Variants in CACNB1 observed in about 807,000 individuals in gnomAD.
The protein encoded by CACNB1 is calcium voltage-gated channel auxiliary subunit beta 1.
Under a neutral mutation model 71.6 loss-of-function variants are expected in CACNB1, and 29 were observed. That is an observed-to-expected ratio of 0.40 (90% CI 0.30 to 0.55). CACNB1 has a LOEUF of 0.55. CACNB1 is among the 20% of genes least tolerant of loss of function. The pLI, the probability that CACNB1 is intolerant of heterozygous loss-of-function variation, is 0.38. For missense variants in CACNB1, 623 were observed against 801.8 expected, an observed-to-expected ratio of 0.78 and a Z score of 2.69; for synonymous variants, 300 against 319.6, an observed-to-expected ratio of 0.94 and a Z score of 0.65.
At position 39,175,033 on chromosome 17, in the gene CACNB1, T is replaced by C. The variant is rs2045540233; in HGVS notation, c.*160A>G. 1.5e-6 allele frequency: 1 copy of C among 652,124 alleles called. No individual in the cohort carries two copies. The highest frequency in any genetic ancestry group is 1.8e-5 in the African/African-American group (1 of 54,738). 40.4% of individuals were successfully genotyped at this position (652,124 alleles called of 1,614,324 possible). A position where few individuals can be genotyped will look rare whatever the true frequency, so the allele number is the denominator to read the frequency against. The stretch of plus-strand genomic sequence containing the variant: ...TGGGGCTTAAGGGCCTCCCGGGAGC[T>C]GGGATGGTAACACCAAAGAAACCCC... On this transcript the variant is annotated 3_prime_UTR_variant, in exon 14 of 14. Coordinates refer to ENST00000394303, the MANE Select transcript of CACNB1 (RefSeq NM_000723.5). The surrounding 1 kb of genome is among the most constrained non-coding windows in gnomAD (Gnocchi z 4.7).
rs1231332194 is a variant in CACNB1, at chr17:39,175,388, G to T, written c.1602C>A (p.Asp534Glu). Residue 534 changes from aspartate (D) to glutamate (E), a missense_variant, in exon 14 of 14, where the codon GAC becomes GAA. Physicochemically the swap from Asp to Glu is conservative, Grantham distance 45. Transcript: ENST00000394303. The surrounding 1 kb of genome is among the most constrained non-coding windows in gnomAD (Gnocchi z 4.7). ...TDPSEGPGLG[D>E]PAGGGTPPAR... ...CTGGGGGCGTGCCGCCCCCTGCAGG[G>T]TCTCCAAGCCCTGGCCCCTCTGAGG... 1.9e-6 allele frequency: 3 copies of T among 1,614,076 alleles called. No individual in the cohort carries two copies. In the East Asian group the frequency reaches 6.7e-5, roughly 36 times the overall value.
intron 1 of CACNB1, among the ~76,000 whole-genome samples, chr17:39,195,494 T>G (rs1046054306): frequency 5.3e-5 from 8 of 152,064 alleles, no homozygotes; most frequent in Non-Finnish European, 7.4e-5. Flanking sequence ...TGTGCCCAAC[T>G]CTTCCCTTCG....
rs530887434 is a variant in CACNB1 at position 39,177,267 on chromosome 17, T to A, written c.1332+83A>T. On this transcript the variant is annotated intron_variant, in intron 13 of 13. Transcript: ENST00000394303. ...CCACTACATGGCATGTTCCTGCTCC[T>A]GGGGCACCACACTGCCCCGCTGTGA... The A allele has an allele frequency of 1.9e-6, 3 of 1,604,236 alleles. No individual in the cohort carries two copies. The South Asian group carries it at 3.3e-5, about 18-fold the overall frequency.
intron 8 of CACNB1, among the ~76,000 whole-genome samples, 183 bp downstream of exon 8, chr17:39,184,601 T>C (rs2045883436): frequency 6.6e-6 from 1 of 152,068 alleles, no homozygotes. Context: ...TGAGGGTTTC[T>C]TTGGGGGACG....
Position 39,184,994 on chromosome 17 carries a change from G to C in CACNB1, c.649-130C>G, listed in dbSNP as rs555882549. 722 of 971,642 alleles carry C rather than the reference G, an allele frequency of 7.4e-4. 1 individual carries two copies. Among genetic ancestry groups the C allele is most frequent in the Non-Finnish European group, 1.1e-3 (640 of 596,654 alleles). 60.2% of individuals were successfully genotyped at this position (971,642 alleles called of 1,614,324 possible). A position where few individuals can be genotyped will look rare whatever the true frequency, so the allele number is the denominator to read the frequency against. On this transcript the variant is annotated intron_variant, in intron 7 of 13. Transcript: ENST00000394303. ...AGAGCCCAGATGTAGGGATCAGGGTGGGGGTGGGGAGGGATGGCCAGGGAG... is the reference window on the plus strand; with the variant it reads ...AGAGCCCAGATGTAGGGATCAGGGTCGGGGTGGGGAGGGATGGCCAGGGAG...
In CACNB1 at chr17:39,183,368, G is replaced by GAAGAAGAAGAAGAAGAA. The variant is rs1433401577; in HGVS notation, c.1050+344_1050+345insTTCTTCTTCTTCTTCTT. On this transcript the variant is annotated intron_variant, in intron 11 of 13. Coordinates refer to ENST00000394303, the MANE Select transcript of CACNB1 (RefSeq NM_000723.5). ...GAAGAAGAAGAAGAAGAAGAAGAAA[G>GAAGAAGAAGAAGAAGAA]GAAAGACCTCCCAACTGCCAAGTAG... Among the ~76,000 whole-genome samples the GAAGAAGAAGAAGAAGAA allele has an allele frequency of 7.0e-5, 10 of 143,814 alleles. No homozygotes were observed. In the East Asian group the frequency reaches 8.6e-4, roughly 12 times the overall value. 94.3% of individuals were successfully genotyped at this position (143,814 alleles called of 152,430 possible). A position where few individuals can be genotyped will look rare whatever the true frequency, so the allele number is the denominator to read the frequency against.
rs577957295 is a variant in CACNB1 at position 39,195,107 on chromosome 17, T to A, written c.85-137A>T. 5 of 618,336 alleles carry A rather than the reference T, an allele frequency of 8.1e-6. No homozygotes were observed. The South Asian group carries it at 9.9e-5, about 12-fold the overall frequency. 38.3% of individuals were successfully genotyped at this position (618,336 alleles called of 1,614,324 possible). On this transcript the variant is annotated intron_variant, in intron 1 of 13. Transcript: ENST00000394303. ...CCTCCACCCCCCTGCACATTCCTCC[T>A]GAGGTGGTACGACCCAAGGGGAGGG... is the stretch of plus-strand genomic sequence containing the variant.
At chr17:39,178,212 C>T in intron 11 of CACNB1, 133 bp from the exon 12 acceptor site, 1 of 692,574 alleles carries the variant, frequency 1.4e-6, no homozygotes. Flanking sequence ...TAACTCTCAG[C>T]CCTGGGCACC....
At chr17:39,177,263 C>A in intron 13 of CACNB1, 87 bp downstream of exon 13, 1 of 1,602,360 alleles carries the variant, frequency 6.2e-7, no homozygotes, top group Non-Finnish European at 8.5e-7. Context: ...CATGTTCCTG[C>A]TCCTGGGGCA....
intron 4 of CACNB1, 156 bp downstream of exon 4, chr17:39,187,323 T>TA (rs2045965593): frequency 1.2e-6 from 1 of 840,806 alleles, no homozygotes; most frequent in Admixed American, 2.7e-5. Flanking sequence ...ATTTTTCCAG[T>TA]AGAAAATTAA....
rs763618554 is a variant in CACNB1, at chr17:39,187,472, T to C, written c.414+7A>G. On this transcript the variant is annotated splice_region_variant and intron_variant, in intron 4 of 13. Transcript: ENST00000394303. ...CCCACTTCCCTGCCCTCCCTCCAGA[T>C]ACCCACCTCCTTGATGTGCAGGAAG... 6.2e-7 allele frequency: 1 copy of C among 1,613,732 alleles called. No homozygotes were observed. The highest frequency in any genetic ancestry group is 1.3e-5 in the African/African-American group (1 of 75,022).
chr17:39,189,191 C>T (rs1009273649), intron 3 of CACNB1, among the ~76,000 whole-genome samples: 3 of 151,440 alleles, frequency 2.0e-5, no homozygotes, highest in Non-Finnish European at 2.9e-5. Flanking sequence ...GGTGAAACCC[C>T]GTCTCTACTA....
intron 10 of CACNB1, 49 bp from the exon 11 acceptor site, chr17:39,183,913 G>A (rs1196172024): frequency 1.9e-6 from 3 of 1,592,814 alleles, no homozygotes; most frequent in Non-Finnish European, 2.6e-6. Context: ...TGGCCTCCCA[G>A]GAACAGCAGG....
chr17:39,191,654 A>G (rs770406100), intron 2 of CACNB1, 61 bp from the exon 3 acceptor site: 8 of 1,572,858 alleles, frequency 5.1e-6, no homozygotes, highest in Non-Finnish European at 6.0e-6. Flanking sequence ...TGGGCCTGGG[A>G]AGGCATGGAG....
At chr17:39,188,293 A>T (rs1016354016) in intron 3 of CACNB1, among the ~76,000 whole-genome samples, 18 of 151,610 alleles carry the variant, frequency 1.2e-4, no homozygotes, top group Admixed American at 9.8e-4. Flanking sequence ...AAAAAAAAAA[A>T]GTCTGGGCGT....
At position 39,173,750 on chromosome 17, in the gene CACNB1, A is replaced by C. The variant is rs961801839; in HGVS notation, c.*1443T>G. ...GCATATCAGCAGCTCCCAGGTGCCT[A>C]CGCTGACGACTATGTGGCGAGGACA... On this transcript the variant is annotated 3_prime_UTR_variant, in exon 14 of 14. Transcript: ENST00000394303. 6.6e-6 allele frequency: 1 copy of C among 152,580 alleles called. No individual in the cohort carries two copies. Among genetic ancestry groups the C allele is most frequent in the African/African-American group, 2.4e-5 (1 of 41,470 alleles). 9.5% of individuals were successfully genotyped at this position (152,580 alleles called of 1,614,324 possible).
At position 39,175,526 on chromosome 17, in the gene CACNB1, T is replaced by C; in HGVS notation, c.1464A>G (p.Ala488=). 6.2e-7 allele frequency: 1 copy of C among 1,613,790 alleles called. No individual in the cohort carries two copies. The highest frequency in any genetic ancestry group is 8.5e-7 in the Non-Finnish European group (1 of 1,179,926). The change falls in exon 14 of 14, where the codon GCA becomes GCG. Residue 488 remains alanine, a synonymous_variant. Coordinates refer to ENST00000394303, the MANE Select transcript of CACNB1 (RefSeq NM_000723.5). This position sits in a 1 kb window ranked among gnomAD's most constrained non-coding sequence, Gnocchi z 4.7. ...GGCGGGACAGTGCCCGTAGCGTGCC[T>C]GCCCGGCCTGGTGGGTGGCTGCTGG... ...LYPSSHPPGR[A]GTLRALSRQD...
At position 39,173,992 on chromosome 17, in the gene CACNB1, G is replaced by A. The variant is rs1046099118; in HGVS notation, c.*1201C>T. 3 of 152,788 alleles carry A rather than the reference G, an allele frequency of 2.0e-5. No homozygotes were observed. The highest frequency in any genetic ancestry group is 4.4e-5 in the Non-Finnish European group (3 of 68,088). 9.5% of individuals were successfully genotyped at this position (152,788 alleles called of 1,614,324 possible). The stretch of plus-strand genomic sequence containing the variant: ...GGAGGGTGGGACATTGGCACAGGAG[G>A]TGGCGAGACAGGCATGAGGTGCCCA... On this transcript the variant is annotated 3_prime_UTR_variant, in exon 14 of 14. Transcript: ENST00000394303.
intron 1 of CACNB1, 30 bp downstream of exon 1, chr17:39,197,382 C>G: frequency 7.1e-7 from 1 of 1,404,474 alleles, no homozygotes; most frequent in Non-Finnish European, 9.4e-7. Flanking sequence ...GAGCGACCCC[C>G]TCCCGTTGGG....
Sources: allele counts gnomAD v4.1 joint callset (sites outside exome capture counted in the v4.1 genomes callset), GRCh38; gene constraint gnomAD v4.1.1; non-coding constraint Gnocchi (gnomAD v3.1); transcripts MANE v1.5; gene names NCBI Gene and HGNC (gene_info 2026-07-23, HGNC 2026-07-21).